NDUFS4: variants seen among roughly 807,000 people sequenced by gnomAD.
The protein encoded by NDUFS4 is NADH:ubiquinone oxidoreductase subunit S4, also known as NADH dehydrogenase [ubiquinone] iron-sulfur protein 4, mitochondrial.
Under a neutral mutation model 24.3 loss-of-function variants are expected in NDUFS4, and 28 were observed. The ratio of observed to expected loss-of-function variants is 1.15; its 90% CI spans 0.85 to 1.58. The LOEUF (loss-of-function observed/expected upper bound fraction) is 1.58, where lower values mean the gene tolerates loss of function less well. Ranked by LOEUF, NDUFS4 falls within the 40% of genes most tolerant of loss-of-function variation. NDUFS4 has a pLI of 0.00. For missense variants in NDUFS4, 223 were observed against 207.9 expected (o/e 1.07, Z -0.45); for synonymous variants, 93 against 69.7 (o/e 1.34, Z -1.67).
chr5:53,601,249 C>T (rs978955608), intron 1 of NDUFS4, among the ~76,000 whole-genome samples: 1 of 152,004 alleles, frequency 6.6e-6, no homozygotes, highest in Non-Finnish European at 1.5e-5. Flanking sequence ...GTGATCCGCC[C>T]GCCTCAGCCT....
chr5:53,682,824 T>G (rs1349228482), intron 4 of NDUFS4, among the ~76,000 whole-genome samples: 4 of 152,150 alleles, frequency 2.6e-5, no homozygotes, highest in Non-Finnish European at 5.9e-5. Flanking sequence ...AATGGAAATT[T>G]TTATGTAATA....
chr5:53,609,799 A>G (rs1366023607), intron 2 of NDUFS4, among the ~76,000 whole-genome samples: 1 of 81,610 alleles, frequency 1.2e-5, no homozygotes, highest in African/African-American at 5.3e-5. Flanking sequence ...CTTTTATATT[A>G]TATAGATGGC....
intron 2 of NDUFS4, among the ~76,000 whole-genome samples, chr5:53,629,450 C>G (rs767295506): frequency 6.6e-6 from 1 of 152,038 alleles, no homozygotes; most frequent in African/African-American, 2.4e-5. Flanking sequence ...TTTTCTGTCT[C>G]GTTGATGTGT....
chr5:53,644,459 G>C (rs2112505090), intron 2 of NDUFS4, among the ~76,000 whole-genome samples: 1 of 152,134 alleles, frequency 6.6e-6, no homozygotes, highest in South Asian at 2.1e-4. Flanking sequence ...AAACTACTAT[G>C]GCAGATTGCA....
At chr5:53,583,852 T>A (rs1231934101) in intron 1 of NDUFS4, among the ~76,000 whole-genome samples, 2 of 152,212 alleles carry the variant, frequency 1.3e-5, no homozygotes, top group African/African-American at 4.8e-5. Context: ...ATACCTACAT[T>A]TAAAAGTTGC....
At chr5:53,680,700 TG>T (rs1189262976) in intron 4 of NDUFS4, among the ~76,000 whole-genome samples, 1 of 139,564 alleles carries the variant, frequency 7.2e-6, no homozygotes, top group Non-Finnish European at 1.5e-5. Context: ...TGTTGTGGGG[TG>T]GGGGGAGCGG....
At chr5:53,614,591 C>G (rs1322672401) in intron 2 of NDUFS4, among the ~76,000 whole-genome samples, 1 of 151,932 alleles carries the variant, frequency 6.6e-6, no homozygotes, top group Non-Finnish European at 1.5e-5. Flanking sequence ...GTTTAAAGTT[C>G]TATGTACCAA....
chr5:53,618,197 C>T (rs1451928956), intron 2 of NDUFS4, among the ~76,000 whole-genome samples: 3 of 152,130 alleles, frequency 2.0e-5, no homozygotes, highest in Non-Finnish European at 4.4e-5. Flanking sequence ...ACTATTAATA[C>T]TCAGGAGATT....
Position 53,573,159 on chromosome 5 carries a change from A to G in NDUFS4, c.98+12399A>G, listed in dbSNP as rs78521257. Among the ~76,000 whole-genome samples, 697 of 148,570 alleles carry G rather than the reference A, an allele frequency of 4.7e-3. 2 individuals carry two copies. The highest frequency in any genetic ancestry group is 0.016 in the African/African-American group (626 of 40,318). On this transcript the variant is annotated intron_variant, in intron 1 of 4. Coordinates refer to ENST00000296684, the MANE Select transcript of NDUFS4 (RefSeq NM_002495.4). ...GCTAATTTTTATATTTTTTTTGTAG[A>G]CATGGGTGTCTCCCTGTGTTGCCCA...
chr5:53,570,697 T>A (rs1340494273), intron 1 of NDUFS4, among the ~76,000 whole-genome samples: 1 of 149,242 alleles, frequency 6.7e-6, no homozygotes, highest in Non-Finnish European at 1.5e-5. Flanking sequence ...TTTTTTTTTT[T>A]TTTTGAGACA....
intron 2 of NDUFS4, among the ~76,000 whole-genome samples, chr5:53,637,309 G>GT (rs546534750): frequency 1.4e-3 from 210 of 152,228 alleles, no homozygotes; most frequent in African/African-American, 4.1e-3. Flanking sequence ...TACCAGGCCA[G>GT]TTTTTTTACC....
intron 4 of NDUFS4, among the ~76,000 whole-genome samples, chr5:53,666,383 G>A (rs1752514934): frequency 6.6e-6 from 1 of 152,152 alleles, no homozygotes; most frequent in Non-Finnish European, 1.5e-5. Context: ...AAAATCAAGT[G>A]CCTTTCTATC....
intron 2 of NDUFS4, among the ~76,000 whole-genome samples, chr5:53,610,693 C>G (rs1579870188): frequency 6.6e-6 from 1 of 152,078 alleles, no homozygotes; most frequent in African/African-American, 2.4e-5. Flanking sequence ...AAAAAGCTTG[C>G]GAATCATTCT....
chr5:53,584,136 A>G (rs1561342416), intron 1 of NDUFS4, among the ~76,000 whole-genome samples: 2 of 152,242 alleles, frequency 1.3e-5, no homozygotes, highest in South Asian at 4.1e-4. Context: ...CCTTTTTCAT[A>G]GAAATTACCA....
intron 2 of NDUFS4, among the ~76,000 whole-genome samples, chr5:53,630,549 C>T (rs1751382033): frequency 2.6e-5 from 4 of 152,086 alleles, no homozygotes; most frequent in Admixed American, 2.0e-4. Context: ...TTCACATAAT[C>T]GTATATTTCT....
In NDUFS4 at chr5:53,588,898, A is replaced by T. The variant is rs148427399; in HGVS notation, c.99-14554A>T. Among the ~76,000 whole-genome samples, 294 of 152,190 alleles carry T rather than the reference A, an allele frequency of 1.9e-3. 2 individuals are homozygous for T. The highest frequency in any genetic ancestry group is 6.8e-3 in the African/African-American group (281 of 41,504). On this transcript the variant is annotated intron_variant, in intron 1 of 4. Coordinates refer to ENST00000296684, the MANE Select transcript of NDUFS4 (RefSeq NM_002495.4). ...CAGTGGTTTTAGGGCTGATACAGAG[A>T]AGTTTTAGACCAAAAGATTCCTAAA...
At chr5:53,627,605 TA>T (rs1337298645) in intron 2 of NDUFS4, among the ~76,000 whole-genome samples, 1 of 152,202 alleles carries the variant, frequency 6.6e-6, no homozygotes, top group Non-Finnish European at 1.5e-5. Context: ...ACATCCCTTG[TA>T]AGTTGGATTC....
intron 1 of NDUFS4, among the ~76,000 whole-genome samples, chr5:53,602,415 CAG>C (rs1276934784): frequency 2.0e-5 from 3 of 151,998 alleles, no homozygotes; most frequent in African/African-American, 7.2e-5. Flanking sequence ...AAATAATTGA[CAG>C]ATATTTTAAA....
At chr5:53,589,039 G>C (rs1164333264) in intron 1 of NDUFS4, among the ~76,000 whole-genome samples, 1 of 152,060 alleles carries the variant, frequency 6.6e-6, no homozygotes, top group Non-Finnish European at 1.5e-5. Context: ...CATTAGAGCA[G>C]TTGTGAAGCA....
Sources: allele counts gnomAD v4.1 joint callset (sites outside exome capture counted in the v4.1 genomes callset), GRCh38; gene constraint gnomAD v4.1.1; transcripts MANE v1.5; gene names NCBI Gene and HGNC (gene_info 2026-07-23, HGNC 2026-07-21).